Variants in ZNF407 observed in about 807,000 individuals in gnomAD.
ZNF407 encodes the protein zinc finger protein 407.
ZNF407 carries 17 observed loss-of-function variants against 131.2 expected under a neutral mutation model. That is an observed-to-expected ratio of 0.13 (90% CI 0.09 to 0.19). The LOEUF (loss-of-function observed/expected upper bound fraction) is 0.19. ZNF407 is among the 10% of genes least tolerant of loss of function. The pLI is 1.00. For missense variants in ZNF407, 2,681 were observed against 2,830.6 expected (o/e 0.95, Z 1.20); for synonymous variants, 1,156 against 1,062.0 (o/e 1.09, Z -1.72).
At chr18:74,729,234 T>C (rs1968233558) in intron 3 of ZNF407, among the ~76,000 whole-genome samples, 2 of 152,306 alleles carry the variant, frequency 1.3e-5, no homozygotes, top group South Asian at 4.1e-4. Context: ...AATATACTTA[T>C]TACTGGTTAC....
chr18:74,623,087 T>C (rs1303637637), intron 1 of ZNF407, among the ~76,000 whole-genome samples: 1 of 150,550 alleles, frequency 6.6e-6, no homozygotes, highest in Non-Finnish European at 1.5e-5. Flanking sequence ...TCTGTATCAG[T>C]GTGTGAGTGC....
chr18:74,740,082 G>T (rs920137313), intron 3 of ZNF407, among the ~76,000 whole-genome samples: 4 of 152,098 alleles, frequency 2.6e-5, no homozygotes, highest in African/African-American at 9.7e-5. Context: ...AGTTTTGGTG[G>T]CCAGAGGTCA....
At chr18:74,637,911 C>T (rs1984532066) in intron 2 of ZNF407, among the ~76,000 whole-genome samples, 1 of 152,046 alleles carries the variant, frequency 6.6e-6, no homozygotes, top group South Asian at 2.1e-4. Flanking sequence ...AAAAAGGATC[C>T]TAGAGTCTCC....
chr18:75,011,780 C>A (rs1391008285), intron 8 of ZNF407, among the ~76,000 whole-genome samples: 1 of 151,976 alleles, frequency 6.6e-6, no homozygotes, highest in African/African-American at 2.4e-5. Context: ...TTTGAAAAGG[C>A]TTATAAGGAG....
chr18:74,680,433 G>A (rs538641701), intron 3 of ZNF407, among the ~76,000 whole-genome samples: 1 of 150,748 alleles, frequency 6.6e-6, no homozygotes, highest in Admixed American at 6.6e-5. Context: ...CCCCAAACAA[G>A]CCCAAATCAG....
In ZNF407 at chr18:74,992,441, C is replaced by T. The variant is rs967200111; in HGVS notation, c.5429-70709C>T. ...GTAATTAGAGAACTCGTTGTGGGTC[C>T]GCCTGGCACAAGAGTGTTCTGGGTG... is the stretch of plus-strand genomic sequence containing the variant. On this transcript the variant is annotated intron_variant, in intron 8 of 8. Transcript: ENST00000299687. Among the ~76,000 whole-genome samples, 21 of 152,012 alleles carry T rather than the reference C, an allele frequency of 1.4e-4. 1 individual carries two copies. Among genetic ancestry groups the T allele is most frequent in the Admixed American group, 9.2e-4 (14 of 15,264 alleles).
chr18:74,635,027 C>T lies in ZNF407; in HGVS notation c.4008C>T (p.Val1336=), dbSNP rs371272736. ...ASDSTVESSD[V]YETIISIDDK... The stretch of plus-strand genomic sequence containing the variant: ...ATAGCACAGTTGAAAGTAGTGATGT[C>T]TATGAAACTATAATTAGTATTGATG... Residue 1336 remains valine, a synonymous_variant, in exon 2 of 9, where the codon GTC becomes GTT. Coordinates refer to ENST00000299687, the MANE Select transcript of ZNF407 (RefSeq NM_017757.3). The surrounding 1 kb of genome is among the most constrained non-coding windows in gnomAD (Gnocchi z 4.7). The T allele has an allele frequency of 3.7e-6, 6 of 1,613,820 alleles. No homozygotes were observed. The highest frequency in any genetic ancestry group is 5.1e-6 in the Non-Finnish European group (6 of 1,179,884).
chr18:74,741,314 C>G (rs1192132122), intron 3 of ZNF407, among the ~76,000 whole-genome samples: 1 of 151,928 alleles, frequency 6.6e-6, no homozygotes, highest in African/African-American at 2.4e-5. Flanking sequence ...ATATGTGTAT[C>G]TACATTTGTG....
At chr18:74,877,486 G>A (rs1052524875) in intron 5 of ZNF407, 123 bp downstream of exon 5, 90 of 958,622 alleles carry the variant, frequency 9.4e-5, no homozygotes, top group Non-Finnish European at 1.4e-4. Flanking sequence ...CCTGCTTTAA[G>A]ATTGTGGTAA....
intron 3 of ZNF407, among the ~76,000 whole-genome samples, chr18:74,715,066 A>C (rs939243208): frequency 6.6e-6 from 1 of 152,022 alleles, no homozygotes; most frequent in African/African-American, 2.4e-5. Context: ...CAAAACCTAC[A>C]CGTGAACCAG....
At chr18:75,029,749 AT>A (rs1019790797) in intron 8 of ZNF407, among the ~76,000 whole-genome samples, 6 of 152,304 alleles carry the variant, frequency 3.9e-5, no homozygotes, top group African/African-American at 1.2e-4. Context: ...GGTTTGCTGC[AT>A]TTTTTGTGCA....
chr18:74,635,840 T>C lies in ZNF407; in HGVS notation c.4687+134T>C, dbSNP rs1458752642. The C allele has an allele frequency of 1.7e-6, 2 of 1,201,586 alleles. No homozygotes were observed. The highest frequency in any genetic ancestry group is 3.0e-5 in the African/African-American group (2 of 65,808). The allele number at this position is 1,201,586 out of a possible 1,614,324, so 74.4% of individuals were successfully genotyped here. A position where few individuals can be genotyped will look rare whatever the true frequency, so the allele number is the denominator to read the frequency against. On this transcript the variant is annotated intron_variant, in intron 2 of 8. Transcript: ENST00000299687. This position sits in a 1 kb window ranked among gnomAD's most constrained non-coding sequence, Gnocchi z 4.7. ...ATTTCACTGCCGTGTGCTGCTCTGC[T>C]TGTCTGCAATAAGTCATTGTTGACA...
In ZNF407 at chr18:74,634,075, G is replaced by A; in HGVS notation, c.3056G>A (p.Cys1019Tyr). Residue 1019 changes from cysteine to tyrosine, a missense_variant, in exon 2 of 9, where the codon TGT (cysteine) becomes TAT (tyrosine). Physicochemically the swap from Cys to Tyr is radical, Grantham distance 194 (BLOSUM62 -2). Coordinates refer to ENST00000299687, the MANE Select transcript of ZNF407 (RefSeq NM_017757.3). ...RDVTGTGENK[C>Y]LHCEFSAHSS... The stretch of plus-strand genomic sequence containing the variant: ...GTTACAGGCACAGGTGAGAATAAGT[G>A]TTTGCACTGTGAGTTTAGTGCTCAC... The A allele has an allele frequency of 1.2e-6, 2 of 1,614,046 alleles. No individual in the cohort carries two copies. Among genetic ancestry groups the A allele is most frequent in the Non-Finnish European group, 1.7e-6 (2 of 1,179,912 alleles).
At chr18:74,831,947 G>C (rs181305173) in intron 4 of ZNF407, among the ~76,000 whole-genome samples, 6 of 152,160 alleles carry the variant, frequency 3.9e-5, no homozygotes, top group African/African-American at 1.4e-4. Flanking sequence ...CAATTCTCTC[G>C]TGGCTGCCTC....
chr18:74,836,855 G>A (rs967026853), intron 4 of ZNF407, among the ~76,000 whole-genome samples: 1 of 152,184 alleles, frequency 6.6e-6, no homozygotes, highest in Non-Finnish European at 1.5e-5. Context: ...CTTGCTCAGA[G>A]CCACAGAGCT....
chr18:74,634,138 A>T lies in ZNF407; in HGVS notation c.3119A>T (p.His1040Leu), dbSNP rs769336546. 1 of 1,614,050 alleles carries T rather than the reference A, an allele frequency of 6.2e-7. No individual in the cohort carries two copies. The highest frequency in any genetic ancestry group is 8.5e-7 in the Non-Finnish European group (1 of 1,179,896). The change falls in exon 2 of 9, where the codon CAT (histidine) becomes CTT (leucine). Residue 1040 changes from histidine (H) to leucine (L), a missense_variant. Physicochemically the swap from His to Leu is moderately conservative, Grantham distance 99. Around this residue, in one of 6 missense-constraint regions of ZNF407, gnomAD observed 1,789 missense variants for 1,748.7 expected, o/e 1.02. Transcript: ENST00000299687. ...ASLELHVKRK[H>L]TKEFEFYCMA... is the part of the protein sequence containing the mutation. ...CTAGAGCTGCATGTAAAACGGAAAC[A>T]TACAAAAGAGTTTGAGTTTTATTGC...
At chr18:74,734,669 ATTTGTG>A (rs1234624984) in intron 3 of ZNF407, among the ~76,000 whole-genome samples, 6 of 127,278 alleles carry the variant, frequency 4.7e-5, no homozygotes, top group Non-Finnish European at 8.6e-5. Context: ...TTGAGTTTCA[ATTTGTG>A]TGTGTGTGTG....
intron 4 of ZNF407, among the ~76,000 whole-genome samples, chr18:74,800,847 CT>C (rs1181030382): frequency 2.0e-5 from 3 of 152,082 alleles, no homozygotes; most frequent in Non-Finnish European, 2.9e-5. Flanking sequence ...GTGATTTGCC[CT>C]ATCACTGATA....
chr18:74,600,320 C>T (rs568868284), intron 1 of ZNF407, among the ~76,000 whole-genome samples: 2 of 152,312 alleles, frequency 1.3e-5, no homozygotes, highest in East Asian at 1.9e-4. Context: ...GGCAATATCA[C>T]GTAAATAGCC....
Sources: allele counts gnomAD v4.1 joint callset (sites outside exome capture counted in the v4.1 genomes callset), GRCh38; gene constraint gnomAD v4.1.1; regional missense constraint gnomAD v4.1.1; non-coding constraint Gnocchi (gnomAD v3.1); transcripts MANE v1.5; gene names NCBI Gene and HGNC (gene_info 2026-07-23, HGNC 2026-07-21).